The following GTF2F2 variants were observed in gnomAD, a reference collection of about 807,000 sequenced individuals.
GTF2F2 encodes general transcription factor IIF subunit 2.
Under a neutral mutation model 42.2 loss-of-function variants are expected in GTF2F2, and 23 were observed. That is an observed-to-expected ratio of 0.55 (90% CI 0.39 to 0.77). The LOEUF (loss-of-function observed/expected upper bound fraction) is 0.77, where lower values mean the gene tolerates loss of function less well. Among genes scored for constraint, GTF2F2 ranks in the 30% least tolerant of loss-of-function variants. The pLI is 0.00. For missense variants in GTF2F2, 261 were observed against 287.2 expected, an observed-to-expected ratio of 0.91 and a Z score of 0.66; for synonymous variants, 105 against 100.8, an observed-to-expected ratio of 1.04 and a Z score of -0.25.
intron 4 of GTF2F2, among the ~76,000 whole-genome samples, chr13:45,180,755 T>A (rs1024594382): frequency 3.9e-5 from 6 of 152,162 alleles, no homozygotes; most frequent in African/African-American, 1.4e-4. Context: ...AATGTTTTCT[T>A]TAGAAGGGTG....
intron 5 of GTF2F2, among the ~76,000 whole-genome samples, chr13:45,238,397 G>GT (rs1351045367): frequency 3.3e-5 from 5 of 152,070 alleles, no homozygotes; most frequent in Non-Finnish European, 7.4e-5. Context: ...TCAGCTCAAC[G>GT]TTTTTTCCCC....
At chr13:45,255,930 G>A (rs906404637) in intron 6 of GTF2F2, among the ~76,000 whole-genome samples, 1 of 152,084 alleles carries the variant, frequency 6.6e-6, no homozygotes, top group African/African-American at 2.4e-5. Flanking sequence ...CACTATAAAA[G>A]GATATATCCT....
chr13:45,261,242 C>T (rs751885264), intron 6 of GTF2F2, among the ~76,000 whole-genome samples: 63 of 151,962 alleles, frequency 4.1e-4, no homozygotes, highest in Admixed American at 8.5e-4. Context: ...CTGGCTAACA[C>T]GGTGAAACCC....
At chr13:45,126,661 C>T (rs573268585) in intron 1 of GTF2F2, among the ~76,000 whole-genome samples, 4 of 143,376 alleles carry the variant, frequency 2.8e-5, no homozygotes, top group Admixed American at 6.8e-5. Flanking sequence ...GTGAACAAAA[C>T]GGACATGGTA....
At chr13:45,176,093 GT>G (rs1871865338) in intron 4 of GTF2F2, among the ~76,000 whole-genome samples, 1 of 152,130 alleles carries the variant, frequency 6.6e-6, no homozygotes, top group Non-Finnish European at 1.5e-5. Context: ...GTTTACTGCA[GT>G]TTACTCATTT....
chr13:45,205,338 G>A (rs978400094), intron 4 of GTF2F2, among the ~76,000 whole-genome samples: 3 of 152,122 alleles, frequency 2.0e-5, no homozygotes, highest in African/African-American at 7.2e-5. Flanking sequence ...CACGAGAACA[G>A]CATAGGGGGA....
chr13:45,190,328 C>T (rs904848220), intron 4 of GTF2F2, among the ~76,000 whole-genome samples: 2 of 152,128 alleles, frequency 1.3e-5, no homozygotes, highest in African/African-American at 4.8e-5. Flanking sequence ...GGAATACTTG[C>T]ATTATAAGGT....
intron 5 of GTF2F2, among the ~76,000 whole-genome samples, chr13:45,230,631 CTAGTACTGCTTATA>C (rs1437261488): frequency 6.6e-6 from 1 of 152,136 alleles, no homozygotes; most frequent in Non-Finnish European, 1.5e-5. Flanking sequence ...CTAACTAAAA[CTAGTACTGCTTATA>C]TATTGTCCAT....
At chr13:45,277,791 G>T (rs545252488) in intron 7 of GTF2F2, among the ~76,000 whole-genome samples, 5 of 152,280 alleles carry the variant, frequency 3.3e-5, no homozygotes, top group African/African-American at 1.2e-4. Context: ...CCTTCTTGTG[G>T]TTGGATCACT....
At chr13:45,276,170 T>A (rs7996231) in intron 7 of GTF2F2, among the ~76,000 whole-genome samples, 3 of 152,142 alleles carry the variant, frequency 2.0e-5, no homozygotes, top group African/African-American at 7.2e-5. Context: ...ATCCATGGAC[T>A]TGTAACGCAA....
At chr13:45,162,917 C>T (rs371311947) in intron 4 of GTF2F2, among the ~76,000 whole-genome samples, 3,253 of 99,674 alleles carry the variant, frequency 0.033, 60 homozygotes, top group Middle Eastern at 0.12. Context: ...TTAGATTTCT[C>T]CCCACCCCCC....
chr13:45,157,266 G>A (rs1870807535), intron 4 of GTF2F2, among the ~76,000 whole-genome samples: 1 of 152,148 alleles, frequency 6.6e-6, no homozygotes, highest in Non-Finnish European at 1.5e-5. Context: ...GATGAGCAAG[G>A]GGGAAGAGTA....
intron 1 of GTF2F2, among the ~76,000 whole-genome samples, chr13:45,131,233 G>A (rs1309540320): frequency 6.6e-6 from 1 of 151,626 alleles, no homozygotes; most frequent in Middle Eastern, 3.2e-3. Flanking sequence ...AGAGTATAGA[G>A]AGAAGAGGGG....
chr13:45,145,207 G>C (rs1012240369), intron 2 of GTF2F2, among the ~76,000 whole-genome samples: 9 of 152,156 alleles, frequency 5.9e-5, no homozygotes, highest in Admixed American at 5.9e-4. Context: ...TTATCCCAGG[G>C]AAGTAATAGG....
At chr13:45,212,475 C>CTTTCT in intron 5 of GTF2F2, among the ~76,000 whole-genome samples, 1 of 90,434 alleles carries the variant, frequency 1.1e-5, no homozygotes, top group East Asian at 2.3e-4. Context: ...TTCTTTCTTT[C>CTTTCT]TTTCTTTCTT....
intron 5 of GTF2F2, among the ~76,000 whole-genome samples, chr13:45,237,138 G>A (rs9316125): frequency 0.33 from 49,566 of 151,978 alleles, 10,305 homozygotes; most frequent in African/African-American, 0.59. Flanking sequence ...AGATATATAA[G>A]AAATTACCCA....
At chr13:45,246,775 C>T (rs1875641984) in intron 5 of GTF2F2, among the ~76,000 whole-genome samples, 2 of 152,314 alleles carry the variant, frequency 1.3e-5, no homozygotes, top group African/African-American at 2.4e-5. Flanking sequence ...CGGTGGCTCA[C>T]GCCTGTAATC....
At chr13:45,230,307 A>G (rs1258104402) in intron 5 of GTF2F2, among the ~76,000 whole-genome samples, 1 of 152,220 alleles carries the variant, frequency 6.6e-6, no homozygotes, top group Non-Finnish European at 1.5e-5. Context: ...TGAGAAAGCC[A>G]TTCAGATACA....
At position 45,212,447 on chromosome 13, in the gene GTF2F2, G is replaced by GTTTC. The variant is rs1555269188; in HGVS notation, c.386+5002_386+5005dup. Among the ~76,000 whole-genome samples the GTTTC allele has an allele frequency of 8.8e-5, 4 of 45,676 alleles. 1 individual carries two copies. Among genetic ancestry groups the GTTTC allele is most frequent in the African/African-American group, 1.9e-4 (2 of 10,456 alleles). 30.0% of individuals were successfully genotyped at this position (45,676 alleles called of 152,430 possible). On this transcript the variant is annotated intron_variant, in intron 5 of 7. Transcript: ENST00000340473. ...TGATTTCTTTCTTTCTTTCTTTCTT[G>GTTTC]TTTCTTTCTTTCTTTCTTTCTTTCT...
Sources: allele counts gnomAD v4.1 joint callset (sites outside exome capture counted in the v4.1 genomes callset), GRCh38; gene constraint gnomAD v4.1.1; transcripts MANE v1.5; gene names NCBI Gene and HGNC (gene_info 2026-07-23, HGNC 2026-07-21).